The following ABCA9 variants were observed in gnomAD, a reference collection of about 807,000 sequenced individuals.
The protein encoded by ABCA9 is ATP binding cassette subfamily A member 9.
Under a neutral mutation model 205.3 loss-of-function variants are expected in ABCA9, and 183 were observed. The ratio of observed to expected loss-of-function variants is 0.89; its 90% CI spans 0.79 to 1.01. ABCA9 has a LOEUF of 1.01. Among genes scored for constraint, ABCA9 ranks in the 50% least tolerant of loss-of-function variants. The probability of loss-of-function intolerance (pLI) is 0.00; values close to 1 mark genes in which losing one functional copy is unlikely to be tolerated. For missense variants in ABCA9, 1,805 were observed against 1,912.4 expected, an observed-to-expected ratio of 0.94 and a Z score of 1.05; for synonymous variants, 651 against 683.3, an observed-to-expected ratio of 0.95 and a Z score of 0.74.
intron 3 of ABCA9, among the ~76,000 whole-genome samples, chr17:69,045,694 A>G (rs1341413865): frequency 6.6e-6 from 1 of 152,168 alleles, no homozygotes; most frequent in Admixed American, 6.5e-5. Context: ...GAAACTTACA[A>G]TCATAGCAGA....
chr17:69,018,226 C>T (rs1156280157), intron 20 of ABCA9, 187 bp downstream of exon 20: 1 of 512,580 alleles, frequency 2.0e-6, no homozygotes, highest in Non-Finnish European at 3.2e-6. Flanking sequence ...AGTAAACTTG[C>T]AGAATCTATT....
intron 31 of ABCA9, among the ~76,000 whole-genome samples, chr17:68,988,412 C>T (rs1174706862): frequency 6.6e-6 from 1 of 152,152 alleles, no homozygotes; most frequent in Non-Finnish European, 1.5e-5. Flanking sequence ...CCCAGAATCA[C>T]CATTGTCCTT....
rs145088120 is a variant in ABCA9 at position 69,040,712 on chromosome 17, A to C, written c.800+2777T>G. Among the ~76,000 whole-genome samples the C allele has an allele frequency of 3.3e-3, 502 of 152,314 alleles. 4 individuals carry two copies. Among genetic ancestry groups the C allele is most frequent in the African/African-American group, 0.012 (482 of 41,564 alleles). On this transcript the variant is annotated intron_variant, in intron 6 of 38. Coordinates refer to ENST00000340001, the MANE Select transcript of ABCA9 (RefSeq NM_080283.4). ...ATTCTGCACATGTATCCCAGAACTT[A>C]AAGTATGATAAAAAATGTAAAAGAA...
At chr17:69,070,499 C>G in the ABCA9 span, among the ~76,000 whole-genome samples, 1 of 152,138 alleles carries the variant, frequency 6.6e-6, no homozygotes, top group African/African-American at 2.4e-5. Flanking sequence ...GGTCAAGGAA[C>G]TCCCTCCCCT....
chr17:69,020,239 G>T, intron 19 of ABCA9, 149 bp downstream of exon 19: 3 of 729,506 alleles, frequency 4.1e-6, no homozygotes, highest in Non-Finnish European at 6.5e-6. Context: ...GATTAAAAAT[G>T]GTTTCTTTAA....
At chr17:69,026,906 A>G (rs1443040046) in intron 15 of ABCA9, 70 bp downstream of exon 15, 9 of 1,557,434 alleles carry the variant, frequency 5.8e-6, no homozygotes, top group African/African-American at 1.4e-5. Context: ...ACAGCTGTGG[A>G]GCATACCTGT....
chr17:69,078,897 A>G, the ABCA9 span: 1 of 802,102 alleles, frequency 1.2e-6, no homozygotes, highest in South Asian at 2.7e-5. Context: ...TGATCTTTAA[A>G]ATTAAACATA....
intron 31 of ABCA9, among the ~76,000 whole-genome samples, chr17:68,988,133 C>T (rs1236783688): frequency 6.6e-6 from 1 of 152,124 alleles, no homozygotes. Context: ...GGACAGGAAA[C>T]CTCTGTAGCA....
intron 26 of ABCA9, 115 bp from the exon 27 acceptor site, chr17:68,993,199 T>TACCCAAGGGA: frequency 1.3e-6 from 1 of 799,760 alleles, no homozygotes; most frequent in Non-Finnish European, 2.1e-6. Context: ...TTCGACCTGA[T>TACCCAAGGGA]GCTCCCTTGG....
chr17:68,984,261 G>C (rs2069160059), intron 34 of ABCA9, 86 bp from the exon 35 acceptor site: 4 of 1,555,314 alleles, frequency 2.6e-6, no homozygotes, highest in Admixed American at 3.7e-5. Context: ...TCGACGCAAA[G>C]ATGAAACATG....
At position 68,984,065 on chromosome 17, in the gene ABCA9, C is replaced by T. The variant is rs1251957906; in HGVS notation, c.4490G>A (p.Gly1497Glu). 6.2e-7 allele frequency: 1 copy of T among 1,614,022 alleles called. No individual in the cohort carries two copies. The highest frequency in any genetic ancestry group is 8.5e-7 in the Non-Finnish European group (1 of 1,180,028). The change falls in exon 35 of 39, where the codon GGA becomes GAA. Residue 1497 changes from glycine to glutamate, a missense_variant. Gly to Glu is a moderately conservative substitution (Grantham distance 98). Coordinates refer to ENST00000340001, the MANE Select transcript of ABCA9 (RefSeq NM_080283.4). ...VCDRVAIMVS[G>E]RLRCIGSIQH... ...TTGGACAGGCACTCACCTCAGCCTTCCTGACACCATGATGGCCACTCGGTC... is the reference window on the plus strand; with the variant it reads ...TTGGACAGGCACTCACCTCAGCCTTTCTGACACCATGATGGCCACTCGGTC...
intron 31 of ABCA9, 82 bp from the exon 32 acceptor site, chr17:68,986,406 C>T (rs1180559384): frequency 2.3e-6 from 3 of 1,331,570 alleles, no homozygotes; most frequent in African/African-American, 3.0e-5. Flanking sequence ...TTCAGAGATG[C>T]CCTTCTCTTC....
At position 69,041,760 on chromosome 17, in the gene ABCA9, T is replaced by TCTATCTATCTAC. The variant is rs2071551616; in HGVS notation, c.800+1728_800+1729insGTAGATAGATAG. 2.6e-5 allele frequency among the ~76,000 whole-genome samples: 4 copies of TCTATCTATCTAC among 151,764 alleles called. No individual in the cohort carries two copies. In the South Asian group the frequency reaches 8.4e-4, roughly 32 times the overall value. The stretch of plus-strand genomic sequence containing the variant: ...ATCTATCTATCTATCTATCTATCTA[T>TCTATCTATCTAC]CTTGACCAAATTTTTTTAGTACTGA... On this transcript the variant is annotated intron_variant, in intron 6 of 38. Transcript: ENST00000340001.
intron 37 of ABCA9, among the ~76,000 whole-genome samples, chr17:68,982,150 G>C (rs1170027059): frequency 6.6e-6 from 1 of 152,186 alleles, no homozygotes; most frequent in Admixed American, 6.5e-5. Flanking sequence ...ATATGTTTCT[G>C]TTTGTATGAG....
Position 69,021,725 on chromosome 17 carries a change from T to G in ABCA9, c.2401+17A>C, listed in dbSNP as rs1458277926. ...TCTTTCTTTCTCCCTTTCTTTCTCT[T>G]TCTTATTTTTTCTTACCTGATTCAT... On this transcript the variant is annotated intron_variant, in intron 18 of 38. Transcript: ENST00000340001. 1 of 1,471,804 alleles carries G rather than the reference T, an allele frequency of 6.8e-7. No homozygotes were observed. The allele number at this position is 1,471,804 out of a possible 1,614,324, so 91.2% of individuals were successfully genotyped here.
chr17:69,071,085 C>T, the ABCA9 span, among the ~76,000 whole-genome samples: 28 of 152,214 alleles, frequency 1.8e-4, 1 homozygote, highest in Admixed American at 1.8e-3. Flanking sequence ...AAGGCAGCAG[C>T]CCCAATCAGG....
rs2071240905 is a variant in ABCA9, at chr17:69,033,785, A to G, written c.1217T>C (p.Leu406Ser). 4 of 1,612,558 alleles carry G rather than the reference A, an allele frequency of 2.5e-6. No homozygotes were observed. The highest frequency in any genetic ancestry group is 1.3e-5 in the African/African-American group (1 of 75,030). Residue 406 changes from leucine to serine, a missense_variant, in exon 9 of 39, where the codon TTG becomes TCG. By Grantham distance (145) the Leu-to-Ser change is moderately radical. Transcript: ENST00000340001. ...PYLIIATLFM[L>S]VFDTLLYLVL... The stretch of plus-strand genomic sequence containing the variant: ...CAAATACAGAAGGGTGTCAAAAACC[A>G]ACATGAAAAGAGTAGCTATTATGAG...
At chr17:68,987,289 T>TC (rs1201276418) in intron 31 of ABCA9, among the ~76,000 whole-genome samples, 1 of 152,060 alleles carries the variant, frequency 6.6e-6, no homozygotes, top group African/African-American at 2.4e-5. Flanking sequence ...CTATATTGTC[T>TC]CCCCCCAGTA....
chr17:69,071,092 C>G, the ABCA9 span, among the ~76,000 whole-genome samples: 1 of 152,232 alleles, frequency 6.6e-6, no homozygotes, highest in Non-Finnish European at 1.5e-5. Flanking sequence ...CAGCCCCAAT[C>G]AGGGGCTTAT....
Sources: gnomAD v4.1 joint callset for allele counts (sites outside exome capture counted in the v4.1 genomes callset) on GRCh38, gnomAD v4.1.1 for gene constraint, MANE v1.5 for transcripts, NCBI Gene and HGNC (gene_info 2026-07-23, HGNC 2026-07-21) for gene names.